GNPDA1: variants seen among roughly 807,000 people sequenced by gnomAD.
GNPDA1 encodes the protein GNPDA 1.
In GNPDA1, 24 loss-of-function variants were observed where a neutral mutation model predicts 28.5. The ratio of observed to expected loss-of-function variants is 0.84; its 90% CI spans 0.61 to 1.19. GNPDA1 has a LOEUF of 1.19. Ranked by LOEUF, GNPDA1 falls within the 50% of genes most tolerant of loss-of-function variation. GNPDA1 has a pLI of 0.00. For missense variants in GNPDA1, 264 were observed against 367.3 expected (o/e 0.72, Z 2.30); for synonymous variants, 147 against 139.3 (o/e 1.06, Z -0.39).
At chr5:142,010,129 C>A (rs1755906865) in intron 2 of GNPDA1, among the ~76,000 whole-genome samples, 1 of 152,232 alleles carries the variant, frequency 6.6e-6, no homozygotes, top group Admixed American at 6.5e-5. Flanking sequence ...ACTCAGCAAA[C>A]TTTGGTCCAC....
At chr5:142,006,123 G>A in intron 4 of GNPDA1, 21 bp downstream of exon 4, 2 of 1,599,284 alleles carry the variant, frequency 1.3e-6, no homozygotes, top group Non-Finnish European at 1.7e-6. Context: ...GGACATGTGT[G>A]CTGCAGAGTG....
rs1218069074 is a variant in GNPDA1 at position 142,005,239 on chromosome 5, C to T, written c.410-123G>A. On this transcript the variant is annotated intron_variant, in intron 4 of 6. Transcript: ENST00000311337. ...TCATTGAAAGCTGTGTCACCTTTCT[C>T]ATTTGCAGCCCTGGGCAGGTACACC... 7.0e-6 allele frequency: 5 copies of T among 719,104 alleles called. No homozygotes were observed. In the East Asian group the frequency reaches 1.4e-4, roughly 20 times the overall value. 44.5% of individuals were successfully genotyped at this position (719,104 alleles called of 1,614,324 possible).
intron 1 of GNPDA1, 71 bp from the exon 2 acceptor site, chr5:142,012,112 G>A: frequency 1.4e-6 from 2 of 1,449,710 alleles, no homozygotes; most frequent in Non-Finnish European, 1.9e-6. Flanking sequence ...GGAGGTGGTG[G>A]GAGAAGCTTC....
Position 142,011,907 on chromosome 5 carries a change from C to T in GNPDA1, c.124+5G>A, listed in dbSNP as rs773969881. ...CCACGGCACCCTCTCCATCCAAGAA[C>T]GCACCAGTGGGGAGCCCCAGGGTGA... On this transcript the variant is annotated splice_donor_5th_base_variant and intron_variant, in intron 2 of 6. Coordinates refer to ENST00000311337, the MANE Select transcript of GNPDA1 (RefSeq NM_005471.5). The T allele has an allele frequency of 9.3e-6, 15 of 1,613,804 alleles. No individual in the cohort carries two copies. The highest frequency in any genetic ancestry group is 1.3e-5 in the Non-Finnish European group (15 of 1,179,846).
intron 5 of GNPDA1, 133 bp downstream of exon 5, chr5:142,004,799 G>T: frequency 1.8e-6 from 1 of 558,054 alleles, no homozygotes; most frequent in East Asian, 2.8e-5. Context: ...GAGTAACAGG[G>T]TCAGCAGGGA....
chr5:142,009,720 C>T (rs901833566), intron 2 of GNPDA1, among the ~76,000 whole-genome samples: 1 of 152,190 alleles, frequency 6.6e-6, no homozygotes, highest in African/African-American at 2.4e-5. Flanking sequence ...CCCATGAATT[C>T]TCTGAACTTC....
At chr5:142,008,635 A>G (rs1207284400) in intron 2 of GNPDA1, among the ~76,000 whole-genome samples, 1 of 152,110 alleles carries the variant, frequency 6.6e-6, no homozygotes, top group East Asian at 1.9e-4. Flanking sequence ...GCTGAGGCAC[A>G]AGAATCACTT....
chr5:142,011,887 G>A (rs368531108), intron 2 of GNPDA1, 25 bp downstream of exon 2: 166 of 1,613,240 alleles, frequency 1.0e-4, no homozygotes, highest in Non-Finnish European at 1.3e-4. Flanking sequence ...CTTATCCACG[G>A]CACCCTCTCC....
intron 5 of GNPDA1, 113 bp downstream of exon 5, chr5:142,004,819 T>A: frequency 1.5e-6 from 1 of 663,766 alleles, no homozygotes; most frequent in Non-Finnish European, 2.4e-6. Context: ...ATTTTAGCCT[T>A]ATTTACCATG....
chr5:142,008,079 C>T (rs1755852713), intron 2 of GNPDA1, among the ~76,000 whole-genome samples, 179 bp from the exon 3 acceptor site: 1 of 152,324 alleles, frequency 6.6e-6, no homozygotes, highest in African/African-American at 2.4e-5. Context: ...CCTATTTTGC[C>T]ACTAGACTGT....
At chr5:142,011,740 C>G in intron 2 of GNPDA1, 172 bp downstream of exon 2, 1 of 621,274 alleles carries the variant, frequency 1.6e-6, no homozygotes, top group South Asian at 2.1e-5. Context: ...CTAAACCAAC[C>G]CATAAGGGAA....
At chr5:142,011,170 C>A (rs1316447640) in intron 2 of GNPDA1, among the ~76,000 whole-genome samples, 2 of 149,948 alleles carry the variant, frequency 1.3e-5, no homozygotes, top group African/African-American at 4.9e-5. Context: ...GACTATATGG[C>A]TAGTGAAGTC....
intron 2 of GNPDA1, among the ~76,000 whole-genome samples, chr5:142,009,876 A>G (rs562353680): frequency 2.0e-5 from 3 of 152,302 alleles, no homozygotes; most frequent in South Asian, 4.1e-4. Context: ...TGTTGGTTCA[A>G]GCAGGACAGG....
chr5:142,009,806 T>C (rs1359060244), intron 2 of GNPDA1, among the ~76,000 whole-genome samples: 1 of 152,172 alleles, frequency 6.6e-6, no homozygotes, highest in Non-Finnish European at 1.5e-5. Context: ...CTCAGAACCC[T>C]GACAGGTGCT....
chr5:142,009,637 G>A lies in GNPDA1; in HGVS notation c.125-1737C>T, dbSNP rs545943744. Among the ~76,000 whole-genome samples the A allele has an allele frequency of 8.5e-5, 13 of 152,200 alleles. No homozygotes were observed. The South Asian group carries it at 1.9e-3, about 22-fold the overall frequency. On this transcript the variant is annotated intron_variant, in intron 2 of 6. Transcript: ENST00000311337. ...CCCACCCAAAATAATTAGTTGGTCCGTGTGACAAGGCCTTAGCTATGCCTG... is the reference window on the plus strand; with the variant it reads ...CCCACCCAAAATAATTAGTTGGTCCATGTGACAAGGCCTTAGCTATGCCTG...
chr5:142,003,055 G>T lies in GNPDA1; in HGVS notation c.769+33C>A. On this transcript the variant is annotated intron_variant, in intron 6 of 6. Transcript: ENST00000311337. The surrounding 1 kb of genome is among the most constrained non-coding windows in gnomAD (Gnocchi z 4.0). Reference sequence around the variant, plus strand: ...CTTACTCCTAGCACACCCTAAGCTTGACCACCTCCTCCTGGACCCACACCT... The same window carrying T: ...CTTACTCCTAGCACACCCTAAGCTTTACCACCTCCTCCTGGACCCACACCT... The T allele has an allele frequency of 6.3e-7, 1 of 1,587,930 alleles. No individual in the cohort carries two copies. Among genetic ancestry groups the T allele is most frequent in the South Asian group, 1.2e-5 (1 of 86,680 alleles).
At chr5:142,011,866 C>G in intron 2 of GNPDA1, 46 bp downstream of exon 2, 1 of 1,608,342 alleles carries the variant, frequency 6.2e-7, no homozygotes, top group South Asian at 1.1e-5. Flanking sequence ...CTGTTGCCTA[C>G]TCTCTCCACC....
chr5:142,012,203 AG>A, intron 1 of GNPDA1, 162 bp from the exon 2 acceptor site: 1 of 613,366 alleles, frequency 1.6e-6, no homozygotes. Flanking sequence ...CTAAGAGGCT[AG>A]GCCAGTCGTC....
At chr5:142,006,856 T>A (rs1755819011) in intron 3 of GNPDA1, among the ~76,000 whole-genome samples, 1 of 152,114 alleles carries the variant, frequency 6.6e-6, no homozygotes, top group African/African-American at 2.4e-5. Context: ...AAAATAATGT[T>A]TAATGTTAAG....
Sources: allele counts gnomAD v4.1 joint callset (sites outside exome capture counted in the v4.1 genomes callset), GRCh38; gene constraint gnomAD v4.1.1; non-coding constraint Gnocchi (gnomAD v3.1); transcripts MANE v1.5; gene names NCBI Gene and HGNC (gene_info 2026-07-23, HGNC 2026-07-21).